The following BAG6 variants were observed in gnomAD, a reference collection of about 807,000 sequenced individuals.
BAG6 encodes BAG cochaperone 6.
Under a neutral mutation model 121.0 loss-of-function variants are expected in BAG6, and 22 were observed. The ratio of observed to expected loss-of-function variants is 0.18; its 90% CI spans 0.13 to 0.26. The LOEUF (loss-of-function observed/expected upper bound fraction) is 0.26. BAG6 is among the 10% of genes least tolerant of loss of function. The probability of loss-of-function intolerance (pLI) is 1.00; values close to 1 mark genes in which losing one functional copy is unlikely to be tolerated. For synonymous variants in BAG6, 583 were observed against 584.6 expected (o/e 1.00, Z 0.04); for missense variants, 1,233 against 1,537.7 (o/e 0.80, Z 3.31).
At chr6:31,650,236 T>C (rs1794860278) in intron 2 of BAG6, among the ~76,000 whole-genome samples, 1 of 151,862 alleles carries the variant, frequency 6.6e-6, no homozygotes, top group Non-Finnish European at 1.5e-5. Flanking sequence ...TCTAGAGACA[T>C]CAGTGACCCC....
At position 31,644,235 on chromosome 6, in the gene BAG6, C is replaced by T. The variant is rs371282424; in HGVS notation, c.1556-41G>A. On this transcript the variant is annotated intron_variant, in intron 12 of 25. Coordinates refer to ENST00000676615, the MANE Select transcript of BAG6 (RefSeq NM_001387994.1). The surrounding 1 kb of genome is among the most constrained non-coding windows in gnomAD (Gnocchi z 4.9). ...GAGACAGACCGAAGAGGGCTGAGGGCCAGGCCCTTGCCAGCCAGCTGCCAC... is the reference window on the plus strand; with the variant it reads ...GAGACAGACCGAAGAGGGCTGAGGGTCAGGCCCTTGCCAGCCAGCTGCCAC... 1.3e-6 allele frequency: 2 copies of T among 1,587,432 alleles called. No homozygotes were observed. The highest frequency in any genetic ancestry group is 1.7e-6 in the Non-Finnish European group (2 of 1,167,234).
intron 6 of BAG6, 36 bp from the exon 7 acceptor site, chr6:31,647,862 G>A (rs1292293339): frequency 5.3e-6 from 8 of 1,508,534 alleles, no homozygotes; most frequent in African/African-American, 1.4e-5. Context: ...CCAAAGGCAG[G>A]GTAAGACTGC....
At chr6:31,643,438 A>G (rs1784964147) in intron 14 of BAG6, among the ~76,000 whole-genome samples, 1 of 151,192 alleles carries the variant, frequency 6.6e-6, no homozygotes, top group South Asian at 2.1e-4. Context: ...AAAAGAAAAA[A>G]GCTGGCCGGG....
rs1255364218 is a variant in BAG6, at chr6:31,647,776, C to T, written c.603G>A (p.Pro201=). ...AGGCTACTGGCTCCGGGGTCACAGC[C>T]GGTGGCTGCGGGGGCGGCTGACTGT... is the stretch of plus-strand genomic sequence containing the variant. ...PQHSQPPPQP[P]AVTPEPVALS... is the part of the protein sequence containing the mutation. Residue 201 remains proline, a synonymous_variant, in exon 7 of 26, where the codon CCG becomes CCA. Transcript: ENST00000676615. 2 of 1,591,744 alleles carry T rather than the reference C, an allele frequency of 1.3e-6. No homozygotes were observed. The highest frequency in any genetic ancestry group is 8.5e-7 in the Non-Finnish European group (1 of 1,171,630).
At chr6:31,649,168 A>G in intron 4 of BAG6, 31 bp downstream of exon 4, 1 of 1,611,872 alleles carries the variant, frequency 6.2e-7, no homozygotes, top group Non-Finnish European at 8.5e-7. Flanking sequence ...AGCTACCCAC[A>G]AAAGCCCTCC....
chr6:31,642,379 G>T lies in BAG6; in HGVS notation c.2068C>A (p.Pro690Thr). ...LQATQTAPPP[P>T]PPPPPPPPAP... is the part of the protein sequence containing the mutation. ...GGTGGTGGGGGTGGAGGAGGTGGGG[G>T]TGGTGGAGGGGCTGTCTGTGTTGCC... is the stretch of plus-strand genomic sequence containing the variant. The change falls in exon 16 of 26, where the codon CCC becomes ACC. Residue 690 changes from proline (P) to threonine (T), a missense_variant. By Grantham distance (38) the Pro-to-Thr change is conservative. This residue lies in a region of BAG6 where 777 missense variants were observed against 861.4 expected (regional missense o/e 0.90). Transcript: ENST00000676615. The T allele has an allele frequency of 1.2e-6, 1 of 847,406 alleles. No individual in the cohort carries two copies. 52.5% of individuals were successfully genotyped at this position (847,406 alleles called of 1,614,324 possible).
In BAG6 at chr6:31,639,653, G is replaced by A; in HGVS notation, c.3247-7C>T. 1 of 1,604,132 alleles carries A rather than the reference G, an allele frequency of 6.2e-7. No individual in the cohort carries two copies. Among genetic ancestry groups the A allele is most frequent in the Non-Finnish European group, 8.5e-7 (1 of 1,174,284 alleles). ...GGCCCTCACCCTGCATCGTCTGGGG[G>A]ACAGGGGGTTGGGAGGGAAAAGAGG... On this transcript the variant is annotated splice_region_variant and splice_polypyrimidine_tract_variant and intron_variant, in intron 24 of 25. Transcript: ENST00000676615.
Position 31,647,663 on chromosome 6 carries a change from G to A in BAG6, c.716C>T (p.Ala239Val). 6.2e-7 allele frequency: 1 copy of A among 1,604,660 alleles called. No individual in the cohort carries two copies. The highest frequency in any genetic ancestry group is 2.3e-5 in the East Asian group (1 of 44,110). Residue 239 changes from alanine (A) to valine (V), a missense_variant, in exon 7 of 26, where the codon GCC (alanine) becomes GTC (valine). Transcript: ENST00000676615. ...GCCAGGAGTGAGCTCCGGGTTCTGG[G>A]CTGGGGCACGCTCCTCCACTTCTTC... Reference protein sequence around the residue: ...EAEEVEERAPAQNPELTPGPA... With the variant: ...EAEEVEERAPVQNPELTPGPA...
rs746919200 is a variant in BAG6, at chr6:31,641,445, GA to G, written c.2560-24del. 6.1e-5 allele frequency: 99 copies of G among 1,613,886 alleles called. 1 individual carries two copies. In the East Asian group the frequency reaches 2.2e-3, roughly 36 times the overall value. On this transcript the variant is annotated intron_variant, in intron 18 of 25. Coordinates refer to ENST00000676615, the MANE Select transcript of BAG6 (RefSeq NM_001387994.1). The surrounding 1 kb of genome is among the most constrained non-coding windows in gnomAD (Gnocchi z 5.7). ...GGACTGAGAGACAAGATAACACAAA[GA>G]TCCCAAAATCAAGAATCATAAGACT... is the stretch of plus-strand genomic sequence containing the variant.
Position 31,642,362 on chromosome 6 carries a change from GGGTGGAGGA to G in BAG6, c.2076_2084del (p.Pro696_Pro698del), listed in dbSNP as rs1783690019. On this transcript the variant is annotated inframe_deletion, in exon 16 of 26. Transcript: ENST00000676615. Reference sequence around the variant, plus strand: ...TCTGCTGCTCTGGGGCAGGTGGTGGGGGTGGAGGAGGTGGGGGTGGTGGAGGGGCTGTCT... The same window carrying G: ...TCTGCTGCTCTGGGGCAGGTGGTGGGGGTGGGGGTGGTGGAGGGGCTGTCT... The G allele has an allele frequency of 2.1e-6, 3 of 1,397,626 alleles. No homozygotes were observed. The highest frequency in any genetic ancestry group is 2.9e-6 in the Non-Finnish European group (3 of 1,020,694). 86.6% of individuals were successfully genotyped at this position (1,397,626 alleles called of 1,614,324 possible).
At position 31,644,038 on chromosome 6, in the gene BAG6, C is replaced by T; in HGVS notation, c.1668+44G>A. 2 of 1,612,428 alleles carry T rather than the reference C, an allele frequency of 1.2e-6. No individual in the cohort carries two copies. Among genetic ancestry groups the T allele is most frequent in the Non-Finnish European group, 1.7e-6 (2 of 1,178,662 alleles). On this transcript the variant is annotated intron_variant, in intron 13 of 25. Transcript: ENST00000676615. This position sits in a 1 kb window ranked among gnomAD's most constrained non-coding sequence, Gnocchi z 4.9. ...CTTCCATGCACCACCACAGGAGTCT[C>T]TCCCTAGACTGTTACGCACTAGAAC...
chr6:31,650,302 G>A (rs1256698805), intron 2 of BAG6, among the ~76,000 whole-genome samples: 3 of 152,064 alleles, frequency 2.0e-5, no homozygotes, highest in Admixed American at 2.0e-4. Context: ...TGATTTCCAA[G>A]ATTAAAAAAT....
chr6:31,644,510 T>G lies in BAG6; in HGVS notation c.1447+15A>C. 6.2e-7 allele frequency: 1 copy of G among 1,604,658 alleles called. No individual in the cohort carries two copies. The highest frequency in any genetic ancestry group is 8.5e-7 in the Non-Finnish European group (1 of 1,175,948). The stretch of plus-strand genomic sequence containing the variant: ...CTACCCAGAGCTCAGCCTGCCCTGA[T>G]GCCCTCACTCTTACCCAGGGTTTGG... On this transcript the variant is annotated intron_variant, in intron 11 of 25. Coordinates refer to ENST00000676615, the MANE Select transcript of BAG6 (RefSeq NM_001387994.1). The surrounding 1 kb of genome is among the most constrained non-coding windows in gnomAD (Gnocchi z 4.9).
Position 31,644,666 on chromosome 6 carries a change from C to T in BAG6, c.1370-64G>A. The stretch of plus-strand genomic sequence containing the variant: ...AGGGCCAAGGCCTAACTATATCCTT[C>T]TGAGATCAGGCATACTTCAGGCCCA... On this transcript the variant is annotated intron_variant, in intron 10 of 25. Coordinates refer to ENST00000676615, the MANE Select transcript of BAG6 (RefSeq NM_001387994.1). This position sits in a 1 kb window ranked among gnomAD's most constrained non-coding sequence, Gnocchi z 4.9. The T allele has an allele frequency of 6.6e-7, 1 of 1,520,020 alleles. No individual in the cohort carries two copies. Among genetic ancestry groups the T allele is most frequent in the Non-Finnish European group, 9.1e-7 (1 of 1,101,990 alleles). 94.2% of individuals were successfully genotyped at this position (1,520,020 alleles called of 1,614,324 possible).
chr6:31,651,094 G>A (rs1796168211), intron 2 of BAG6, among the ~76,000 whole-genome samples: 1 of 152,190 alleles, frequency 6.6e-6, no homozygotes, highest in Non-Finnish European at 1.5e-5. Flanking sequence ...TTGGGTTGGG[G>A]TCCACCCATG....
At position 31,644,418 on chromosome 6, in the gene BAG6, G is replaced by C; in HGVS notation, c.1448-4C>G. 6.4e-7 allele frequency: 1 copy of C among 1,551,714 alleles called. No homozygotes were observed. The highest frequency in any genetic ancestry group is 8.7e-7 in the Non-Finnish European group (1 of 1,147,434). ...GGCAGCTGGATGAGGGTGGAGCCTG[G>C]GGGGCGGGTCTGATGTAACCTTGAA... On this transcript the variant is annotated splice_polypyrimidine_tract_variant and splice_region_variant and intron_variant, in intron 11 of 25. Transcript: ENST00000676615. The surrounding 1 kb of genome is among the most constrained non-coding windows in gnomAD (Gnocchi z 4.9).
chr6:31,639,920 A>G, intron 24 of BAG6: 2 of 614,662 alleles, frequency 3.3e-6, no homozygotes, highest in South Asian at 2.1e-5. Flanking sequence ...TAGGTAATCC[A>G]CAAGAGGAAA....
At chr6:31,643,171 T>C in intron 14 of BAG6, 56 bp from the exon 15 acceptor site, 1 of 1,502,854 alleles carries the variant, frequency 6.7e-7, no homozygotes, top group Non-Finnish European at 8.8e-7. Flanking sequence ...TTGGCTGTAA[T>C]CCTAGCAACT....
In BAG6 at chr6:31,644,589, C is replaced by T; in HGVS notation, c.1383G>A (p.Gln461=). The T allele has an allele frequency of 6.2e-7, 1 of 1,612,686 alleles. No homozygotes were observed. The highest frequency in any genetic ancestry group is 8.5e-7 in the Non-Finnish European group (1 of 1,179,902). The change falls in exon 11 of 26, where the codon CAG becomes CAA. Residue 461 remains glutamine (Q), a synonymous_variant. Transcript: ENST00000676615. This position sits in a 1 kb window ranked among gnomAD's most constrained non-coding sequence, Gnocchi z 4.9. ...MHMNIQDSGT[Q]PGGVPSAPTG... ...TGGGAGCACTCGGAACACCACCAGG[C>T]TGTGTGCCAGAATCTGGGCAGGGAG...
Sources: gnomAD v4.1 joint callset for allele counts (sites outside exome capture counted in the v4.1 genomes callset) on GRCh38, gnomAD v4.1.1 for gene constraint, gnomAD v4.1.1 regional missense constraint, Gnocchi (gnomAD v3.1) non-coding constraint, MANE v1.5 for transcripts, NCBI Gene and HGNC (gene_info 2026-07-23, HGNC 2026-07-21) for gene names.